Variants in EYS observed in about 807,000 individuals in gnomAD.
EYS encodes protein eyes shut homolog.
In EYS, 250 loss-of-function variants were observed where a neutral mutation model predicts 282.1. That is an observed-to-expected ratio of 0.89 (90% CI 0.80 to 0.98). The LOEUF is 0.98. Ranked by LOEUF, EYS falls within the 50% of genes least tolerant of loss-of-function variation. The pLI is 0.00. For missense variants in EYS, 4,016 were observed against 3,709.0 expected (o/e 1.08, Z -2.15); for synonymous variants, 1,355 against 1,282.9 (o/e 1.06, Z -1.20).
At chr6:63,997,832 G>T (rs1582102669) in intron 34 of EYS, among the ~76,000 whole-genome samples, 1 of 152,122 alleles carries the variant, frequency 6.6e-6, no homozygotes, top group East Asian at 1.9e-4. Context: ...CATATTTTAT[G>T]CTATTCATAA....
intron 5 of EYS, among the ~76,000 whole-genome samples, chr6:65,486,279 T>A (rs1015631968): frequency 2.0e-5 from 3 of 152,218 alleles, no homozygotes; most frequent in Non-Finnish European, 4.4e-5. Flanking sequence ...GAAAAAATTG[T>A]AACATGGCAT....
At chr6:64,823,452 T>C (rs771337305) in intron 19 of EYS, among the ~76,000 whole-genome samples, 2 of 151,920 alleles carry the variant, frequency 1.3e-5, no homozygotes, top group Non-Finnish European at 2.9e-5. Context: ...GATGATAACA[T>C]AAGCAGAGCT....
chr6:64,239,291 A>C lies in EYS; in HGVS notation c.6192-8467T>G, dbSNP rs1397818172. 3.3e-5 allele frequency among the ~76,000 whole-genome samples: 5 copies of C among 152,154 alleles called. No individual in the cohort carries two copies. The East Asian group carries it at 9.7e-4, about 29-fold the overall frequency. On this transcript the variant is annotated intron_variant, in intron 30 of 42. Coordinates refer to ENST00000503581, the MANE Select transcript of EYS (RefSeq NM_001142800.2). The stretch of plus-strand genomic sequence containing the variant: ...CCCAGTAATGGGATTGCTGGGTCAA[A>C]TGGTATTTCTAGTTTTAGATCATTG...
At position 65,636,057 on chromosome 6, in the gene EYS, C is replaced by A. The variant is rs180848430; in HGVS notation, c.-333+3721G>T. Among the ~76,000 whole-genome samples the A allele has an allele frequency of 2.6e-5, 4 of 152,308 alleles. No individual in the cohort carries two copies. The East Asian group carries it at 7.7e-4, about 29-fold the overall frequency. ...ATTAAACTTTTCTTCAGTGCAATGC[C>A]ATGGTCTTTATTTATGCAGCGGGCA... On this transcript the variant is annotated intron_variant, in intron 2 of 42. Transcript: ENST00000503581.
At chr6:64,629,625 T>C (rs1228746870) in intron 22 of EYS, among the ~76,000 whole-genome samples, 3 of 152,164 alleles carry the variant, frequency 2.0e-5, no homozygotes, top group South Asian at 2.1e-4. Context: ...TTCATTTTTG[T>C]TTACTGTTCT....
chr6:65,538,757 C>T (rs1582430525), intron 2 of EYS, among the ~76,000 whole-genome samples: 1 of 152,202 alleles, frequency 6.6e-6, no homozygotes, highest in South Asian at 2.1e-4. Context: ...ATGACTCCTC[C>T]TAGTATTCAA....
chr6:64,378,265 T>G (rs566732975), intron 29 of EYS, among the ~76,000 whole-genome samples: 1 of 152,316 alleles, frequency 6.6e-6, no homozygotes, highest in South Asian at 2.1e-4. Context: ...TACACTGTCT[T>G]AAATACCAGC....
rs138946994 is a variant in EYS, at chr6:64,878,654, T to G, written c.2992+8043A>C. On this transcript the variant is annotated intron_variant, in intron 19 of 42. Transcript: ENST00000503581. ...CTCATAATTTTTCTCTGTGTGTGTT[T>G]GCGTGTGTGTGTTTCTTTAAGCACA... 1.7e-3 allele frequency among the ~76,000 whole-genome samples: 258 copies of G among 151,822 alleles called. 1 individual carries two copies. Among genetic ancestry groups the G allele is most frequent in the African/African-American group, 6.0e-3 (248 of 41,460 alleles).
chr6:65,468,373 C>A (rs75706800), intron 5 of EYS, among the ~76,000 whole-genome samples: 1 of 152,174 alleles, frequency 6.6e-6, no homozygotes, highest in Admixed American at 6.6e-5. Flanking sequence ...TCCCACTAAG[C>A]TAGATTAGCT....
rs930254935 is a variant in EYS at position 65,640,269 on chromosome 6, T to G, written c.-447-377A>C. On this transcript the variant is annotated intron_variant, in intron 1 of 42. Transcript: ENST00000503581. ...ACTGGAAAGAAATGTTAGGGAAATGTCAGCAGTAATTCAGTGGGTCCATGA... is the reference window on the plus strand; with the variant it reads ...ACTGGAAAGAAATGTTAGGGAAATGGCAGCAGTAATTCAGTGGGTCCATGA... 2.5e-4 allele frequency among the ~76,000 whole-genome samples: 38 copies of G among 152,330 alleles called. No individual in the cohort carries two copies. In the Middle Eastern group the frequency reaches 0.01, roughly 41 times the overall value.
At chr6:64,521,391 AT>A (rs1777729735) in intron 26 of EYS, among the ~76,000 whole-genome samples, 1 of 151,712 alleles carries the variant, frequency 6.6e-6, no homozygotes, top group Non-Finnish European at 1.5e-5. Flanking sequence ...GTCACTGGGA[AT>A]TTTTTGACTC....
chr6:65,625,557 G>A (rs1410682652), intron 2 of EYS, among the ~76,000 whole-genome samples: 1 of 152,196 alleles, frequency 6.6e-6, no homozygotes, highest in Non-Finnish European at 1.5e-5. Flanking sequence ...GTGTGAAAAT[G>A]TCAATATAAT....
chr6:64,321,877 T>C (rs1770230964), intron 29 of EYS, among the ~76,000 whole-genome samples: 1 of 151,962 alleles, frequency 6.6e-6, no homozygotes, highest in Non-Finnish European at 1.5e-5. Flanking sequence ...AAAACAACTA[T>C]ATAAATATAG....
In EYS at chr6:65,183,593, T is replaced by G. The variant is rs542178931; in HGVS notation, c.2023+112270A>C. Among the ~76,000 whole-genome samples the G allele has an allele frequency of 4.5e-4, 69 of 152,040 alleles. 1 individual carries two copies. Among genetic ancestry groups the G allele is most frequent in the African/African-American group, 1.5e-3 (64 of 41,546 alleles). On this transcript the variant is annotated intron_variant, in intron 12 of 42. Coordinates refer to ENST00000503581, the MANE Select transcript of EYS (RefSeq NM_001142800.2). Reference sequence around the variant, plus strand: ...TAATTACTTTATCAAATTTTGTGTTTGTGTTACCAGTTATGATATATTTCT... The same window carrying G: ...TAATTACTTTATCAAATTTTGTGTTGGTGTTACCAGTTATGATATATTTCT...
intron 2 of EYS, among the ~76,000 whole-genome samples, chr6:65,507,108 CAT>C (rs1766689353): frequency 6.6e-6 from 1 of 151,434 alleles, no homozygotes; most frequent in Non-Finnish European, 1.5e-5. Context: ...GTTTGCATGA[CAT>C]GTCTGCCTTC....
chr6:65,532,780 A>G (rs1767822923), intron 2 of EYS, among the ~76,000 whole-genome samples: 1 of 152,134 alleles, frequency 6.6e-6, no homozygotes, highest in East Asian at 1.9e-4. Flanking sequence ...AGTAAACATT[A>G]CCAACAGAAA....
intron 31 of EYS, among the ~76,000 whole-genome samples, chr6:64,110,301 G>T: frequency 7.0e-6 from 1 of 143,120 alleles, no homozygotes; most frequent in Admixed American, 6.7e-5. Context: ...ATATGTATAT[G>T]TATGTATGTA....
intron 31 of EYS, among the ~76,000 whole-genome samples, chr6:64,120,049 A>G (rs1483694489): frequency 6.6e-6 from 1 of 152,108 alleles, no homozygotes; most frequent in East Asian, 1.9e-4. Context: ...GTCATTTTAG[A>G]AAAACGTATA....
intron 13 of EYS, among the ~76,000 whole-genome samples, chr6:65,026,180 G>C (rs1583411018): frequency 6.6e-6 from 1 of 152,124 alleles, no homozygotes; most frequent in Middle Eastern, 3.4e-3. Context: ...ATATGACATG[G>C]TTTATATTAA....
Sources: allele counts gnomAD v4.1 joint callset (sites outside exome capture counted in the v4.1 genomes callset), GRCh38; gene constraint gnomAD v4.1.1; transcripts MANE v1.5; gene names NCBI Gene and HGNC (gene_info 2026-07-23, HGNC 2026-07-21).